The following NDST3 variants were observed in gnomAD, a reference collection of about 807,000 sequenced individuals.
NDST3 encodes the protein N-deacetylase and N-sulfotransferase 3, also known as bifunctional heparan sulfate N-deacetylase/N-sulfotransferase 3.
In NDST3, 58 loss-of-function variants were observed where a neutral mutation model predicts 96.1. The observed-to-expected ratio is 0.60, with a 90% CI of 0.49 to 0.75. The LOEUF is 0.75. NDST3 is among the 30% of genes least tolerant of loss of function. The pLI is 0.00. For missense variants in NDST3, 788 were observed against 1,034.2 expected, an observed-to-expected ratio of 0.76 and a Z score of 3.27; for synonymous variants, 333 against 359.7, an observed-to-expected ratio of 0.93 and a Z score of 0.84.
rs1578816350 is a variant in NDST3, at chr4:118,208,580, G to A, written c.1540-15911G>A. Reference sequence around the variant, plus strand: ...ATTTCAATCAAAACAGATGTGGCTTGCATAGGCCCAGTCAAGCCCTAGTAT... The same window carrying A: ...ATTTCAATCAAAACAGATGTGGCTTACATAGGCCCAGTCAAGCCCTAGTAT... On this transcript the variant is annotated intron_variant, in intron 6 of 13. Transcript: ENST00000296499. 1.4e-5 allele frequency among the ~76,000 whole-genome samples: 2 copies of A among 144,226 alleles called. 1 individual carries two copies. Among genetic ancestry groups the A allele is most frequent in the Non-Finnish European group, 3.1e-5 (2 of 65,180 alleles). 94.6% of individuals were successfully genotyped at this position (144,226 alleles called of 152,430 possible).
chr4:118,163,362 T>A (rs191309575), intron 6 of NDST3, among the ~76,000 whole-genome samples: 1 of 150,038 alleles, frequency 6.7e-6, no homozygotes, highest in African/African-American at 2.5e-5. Context: ...AAATGTCCAA[T>A]AATGATAGAC....
Position 118,227,855 on chromosome 4 carries a change from G to A in NDST3, c.1819+873G>A, listed in dbSNP as rs912542762. On this transcript the variant is annotated intron_variant, in intron 8 of 13. Coordinates refer to ENST00000296499, the MANE Select transcript of NDST3 (RefSeq NM_004784.3). ...TCTCGATCTCCTGACCTCGTGATCC[G>A]CCCGCCTCGGCCTCCCAAAGTGCTG... 8.5e-5 allele frequency among the ~76,000 whole-genome samples: 13 copies of A among 152,092 alleles called. No individual in the cohort carries two copies. In the East Asian group the frequency reaches 9.7e-4, roughly 11 times the overall value.
At chr4:118,237,278 T>C in intron 10 of NDST3, 58 bp downstream of exon 10, 2 of 1,402,172 alleles carry the variant, frequency 1.4e-6, no homozygotes, top group Non-Finnish European at 1.9e-6. Context: ...CAATGGAGCA[T>C]TGTTTTTAGC....
chr4:118,178,074 A>G (rs1381668846), intron 6 of NDST3, among the ~76,000 whole-genome samples: 1 of 149,314 alleles, frequency 6.7e-6, no homozygotes, highest in Non-Finnish European at 1.5e-5. Flanking sequence ...GACCCACAGG[A>G]AAAAAAAAAG....
At chr4:118,062,095 T>C (rs1725940064) in intron 2 of NDST3, among the ~76,000 whole-genome samples, 1 of 152,172 alleles carries the variant, frequency 6.6e-6, no homozygotes, top group Non-Finnish European at 1.5e-5. Flanking sequence ...CCACTTGTTA[T>C]AGCTCACAAT....
intron 1 of NDST3, among the ~76,000 whole-genome samples, chr4:118,040,837 C>T (rs1578522358): frequency 6.9e-6 from 1 of 144,814 alleles, no homozygotes; most frequent in African/African-American, 2.6e-5. Flanking sequence ...CCACCATGTC[C>T]AACTAATTTA....
At position 118,072,689 on chromosome 4, in the gene NDST3, TTCTC is replaced by T. The variant is rs1231300067; in HGVS notation, c.981+17802_981+17805del. Among the ~76,000 whole-genome samples the T allele has an allele frequency of 2.0e-5, 3 of 152,258 alleles. No individual in the cohort carries two copies. The East Asian group carries it at 5.8e-4, about 29-fold the overall frequency. ...ATCTGCAAACAGAAATAGTTTGACT[TTCTC>T]TCTTCGTATTTGGATGCCTTTTGTT... On this transcript the variant is annotated intron_variant, in intron 2 of 13. Coordinates refer to ENST00000296499, the MANE Select transcript of NDST3 (RefSeq NM_004784.3).
intron 6 of NDST3, among the ~76,000 whole-genome samples, chr4:118,189,305 C>G (rs2125962711): frequency 6.6e-6 from 1 of 152,304 alleles, no homozygotes; most frequent in Non-Finnish European, 1.5e-5. Flanking sequence ...CCTGTCTCAG[C>G]CTCTCAAAGT....
At chr4:118,094,636 C>T (rs1337540493) in intron 2 of NDST3, among the ~76,000 whole-genome samples, 1 of 151,828 alleles carries the variant, frequency 6.6e-6, no homozygotes, top group Admixed American at 6.6e-5. Context: ...CCTCTTCTGA[C>T]TAAGAATTTT....
rs113084024 is a variant in NDST3, at chr4:118,112,018, G to T, written c.1070-2788G>T. Among the ~76,000 whole-genome samples the T allele has an allele frequency of 4.9e-4, 74 of 152,152 alleles. 1 individual carries two copies. Among genetic ancestry groups the T allele is most frequent in the African/African-American group, 1.6e-3 (66 of 41,512 alleles). ...TAAGCAACAGACATTTGTTTTCAATGTAATTCTAATGTAAAACATTCTCAA... is the reference window on the plus strand; with the variant it reads ...TAAGCAACAGACATTTGTTTTCAATTTAATTCTAATGTAAAACATTCTCAA... On this transcript the variant is annotated intron_variant, in intron 3 of 13. Coordinates refer to ENST00000296499, the MANE Select transcript of NDST3 (RefSeq NM_004784.3).
chr4:118,217,024 A>C (rs984044080), intron 6 of NDST3, among the ~76,000 whole-genome samples: 2 of 152,168 alleles, frequency 1.3e-5, no homozygotes, highest in African/African-American at 2.4e-5. Flanking sequence ...AGCCAGGATA[A>C]GAAAATGTCA....
chr4:118,143,525 C>T, intron 5 of NDST3, 31 bp from the exon 6 acceptor site: 1 of 1,577,486 alleles, frequency 6.3e-7, no homozygotes, highest in South Asian at 1.2e-5. Flanking sequence ...AAAAAAAAAG[C>T]TTTTCCTTAC....
At chr4:118,245,969 A>G (rs757403325) in intron 12 of NDST3, among the ~76,000 whole-genome samples, 1 of 152,224 alleles carries the variant, frequency 6.6e-6, no homozygotes, top group South Asian at 2.1e-4. Context: ...TAAGCTCTTC[A>G]TATTGGCACA....
chr4:118,176,187 C>A (rs1490843661), intron 6 of NDST3, among the ~76,000 whole-genome samples: 1 of 151,524 alleles, frequency 6.6e-6, no homozygotes, highest in Non-Finnish European at 1.5e-5. Flanking sequence ...TTAAAAAAAA[C>A]CCTGCAAGCA....
At chr4:118,068,786 T>C (rs1403855833) in intron 2 of NDST3, among the ~76,000 whole-genome samples, 3 of 152,126 alleles carry the variant, frequency 2.0e-5, no homozygotes, top group Admixed American at 6.6e-5. Flanking sequence ...TCATGTTGTA[T>C]AAAAATATTT....
chr4:118,049,261 T>C (rs1724939277), intron 1 of NDST3, among the ~76,000 whole-genome samples: 1 of 151,900 alleles, frequency 6.6e-6, no homozygotes, highest in African/African-American at 2.4e-5. Context: ...AATGCCTTCA[T>C]CAAGAAGTTA....
chr4:118,077,758 G>T (rs927040540), intron 2 of NDST3, among the ~76,000 whole-genome samples: 3 of 152,166 alleles, frequency 2.0e-5, no homozygotes, highest in African/African-American at 7.2e-5. Context: ...GTCTCACTTG[G>T]CGATGAGCAG....
At chr4:118,145,693 T>C (rs1733888517) in intron 6 of NDST3, among the ~76,000 whole-genome samples, 1 of 152,192 alleles carries the variant, frequency 6.6e-6, no homozygotes, top group Admixed American at 6.5e-5. Flanking sequence ...CAATTTTATG[T>C]CTTGAGGAGG....
chr4:118,131,207 T>C (rs1560665615), intron 4 of NDST3, among the ~76,000 whole-genome samples: 1 of 152,186 alleles, frequency 6.6e-6, no homozygotes, highest in Non-Finnish European at 1.5e-5. Flanking sequence ...TCTCTGAGAT[T>C]TGCCCTTTGG....
Sources: allele counts gnomAD v4.1 joint callset (sites outside exome capture counted in the v4.1 genomes callset), GRCh38; gene constraint gnomAD v4.1.1; transcripts MANE v1.5; gene names NCBI Gene and HGNC (gene_info 2026-07-23, HGNC 2026-07-21).